The following CPA4 variants were observed in gnomAD, a reference collection of about 807,000 sequenced individuals.
The protein encoded by CPA4 is carboxypeptidase A4.
Under a neutral mutation model 54.7 loss-of-function variants are expected in CPA4, and 49 were observed. That is an observed-to-expected ratio of 0.90 (90% CI 0.71 to 1.14). The LOEUF (loss-of-function observed/expected upper bound fraction) is 1.14, where lower values mean the gene tolerates loss of function less well. CPA4 is among the 50% of genes most tolerant of loss of function. The pLI is 0.00. For synonymous variants in CPA4, 215 were observed against 206.8 expected (o/e 1.04, Z -0.34); for missense variants, 487 against 525.1 (o/e 0.93, Z 0.71).
intron 10 of CPA4, among the ~76,000 whole-genome samples, chr7:130,313,582 GT>G (rs745358400): frequency 1.3e-5 from 2 of 152,086 alleles, no homozygotes; most frequent in African/African-American, 4.8e-5. Flanking sequence ...TGTTGAAAGA[GT>G]TTTTTTAAAG....
chr7:130,311,814 T>G (rs1793919030), intron 9 of CPA4, among the ~76,000 whole-genome samples: 1 of 151,832 alleles, frequency 6.6e-6, no homozygotes, highest in South Asian at 2.1e-4. Context: ...TCCCCCAAAC[T>G]GGGAGTCAAG....
rs148867006 is a variant in CPA4 at position 130,322,669 on chromosome 7, T to C, written c.1259T>C (p.Leu420Pro). ...KTIMEHVRDNLY is the reference protein window; with the variant it reads ...KTIMEHVRDNPY ...ATCATGGAGCATGTGCGGGACAACC[T>C]CTACTAGGCGATGGCTCTGCTCTGT... Residue 420 changes from leucine to proline, a missense_variant, in exon 11 of 11, where the codon CTC becomes CCC. Transcript: ENST00000222482. 20 of 1,613,304 alleles carry C rather than the reference T, an allele frequency of 1.2e-5. No individual in the cohort carries two copies. In the African/African-American group the frequency reaches 2.7e-4, roughly 22 times the overall value.
intron 10 of CPA4, among the ~76,000 whole-genome samples, chr7:130,314,081 G>A (rs1411920704): frequency 6.6e-6 from 1 of 152,210 alleles, no homozygotes; most frequent in Non-Finnish European, 1.5e-5. Context: ...CAGAGGCATT[G>A]GTTGAGGGAG....
chr7:130,305,744 G>T, intron 5 of CPA4, 72 bp from the exon 6 acceptor site: 1 of 1,046,002 alleles, frequency 9.6e-7, no homozygotes, highest in Non-Finnish European at 1.5e-6. Context: ...GAATGGGAGA[G>T]AGCTGGAGAG....
At chr7:130,305,451 C>T (rs376460578) in intron 5 of CPA4, among the ~76,000 whole-genome samples, 6 of 152,268 alleles carry the variant, frequency 3.9e-5, no homozygotes, top group Admixed American at 2.0e-4. Context: ...TCATGTCGAC[C>T]GAAACAGCCT....
chr7:130,308,850 C>CTTTTTTTT (rs1249548992), intron 8 of CPA4, among the ~76,000 whole-genome samples: 16 of 120,284 alleles, frequency 1.3e-4, no homozygotes, highest in African/African-American at 5.7e-4. Context: ...CTAGCCCAGC[C>CTTTTTTTT]TTTTTTTTTT....
At chr7:130,304,285 A>C (rs1793783620) in intron 4 of CPA4, among the ~76,000 whole-genome samples, 193 bp from the exon 5 acceptor site, 1 of 152,204 alleles carries the variant, frequency 6.6e-6, no homozygotes, top group Non-Finnish European at 1.5e-5. Context: ...CAAGTGTGCT[A>C]CTCTCCAGAA....
intron 1 of CPA4, among the ~76,000 whole-genome samples, chr7:130,295,699 G>A (rs991197811): frequency 6.6e-6 from 1 of 152,166 alleles, no homozygotes; most frequent in African/African-American, 2.4e-5. Context: ...TAATGCTACC[G>A]CTGGGTGCAG....
intron 1 of CPA4, 141 bp from the exon 2 acceptor site, chr7:130,298,605 G>T (rs1793689699): frequency 3.5e-6 from 2 of 564,000 alleles, no homozygotes; most frequent in African/African-American, 1.9e-5. Context: ...ATTTTTAATG[G>T]CCATACATTA....
intron 4 of CPA4, among the ~76,000 whole-genome samples, chr7:130,303,338 A>C (rs547420561): frequency 2.0e-5 from 3 of 152,370 alleles, no homozygotes; most frequent in Non-Finnish European, 2.9e-5. Context: ...CCTTTAGAGA[A>C]ATTATCTCCA....
intron 1 of CPA4, among the ~76,000 whole-genome samples, chr7:130,293,901 GCA>G (rs971696713): frequency 1.8e-4 from 28 of 152,090 alleles, no homozygotes; most frequent in South Asian, 4.2e-4. Context: ...GTGTGTGTGT[GCA>G]CACACACACG....
chr7:130,319,407 C>T (rs1433624555), intron 10 of CPA4, among the ~76,000 whole-genome samples: 9 of 152,168 alleles, frequency 5.9e-5, no homozygotes, highest in Non-Finnish European at 1.3e-4. Context: ...GTGTTCATGA[C>T]AGCATTATCT....
chr7:130,303,877 A>G (rs1032383863), intron 4 of CPA4, among the ~76,000 whole-genome samples: 3 of 151,876 alleles, frequency 2.0e-5, no homozygotes, highest in African/African-American at 7.3e-5. Context: ...CCTGGGCTCA[A>G]GTGATTCTCC....
intron 1 of CPA4, among the ~76,000 whole-genome samples, chr7:130,297,712 C>A (rs1357422025): frequency 2.0e-5 from 3 of 152,208 alleles, no homozygotes; most frequent in Admixed American, 6.5e-5. Flanking sequence ...CAGCCATTCA[C>A]TCTCAACAGG....
intron 10 of CPA4, among the ~76,000 whole-genome samples, chr7:130,312,457 C>T (rs1793930009): frequency 6.6e-6 from 1 of 152,042 alleles, no homozygotes; most frequent in Non-Finnish European, 1.5e-5. Flanking sequence ...ATAGCAAGAC[C>T]CCATCTGATA....
intron 5 of CPA4, 30 bp downstream of exon 5, chr7:130,304,609 C>T: frequency 3.0e-6 from 4 of 1,353,628 alleles, no homozygotes; most frequent in Middle Eastern, 3.6e-4. Flanking sequence ...GAAGGGTCTC[C>T]TGGGTCCTCA....
At chr7:130,297,991 T>C (rs565201304) in intron 1 of CPA4, among the ~76,000 whole-genome samples, 5 of 152,342 alleles carry the variant, frequency 3.3e-5, no homozygotes, top group African/African-American at 9.6e-5. Flanking sequence ...CAAAGGGGAC[T>C]GAGACTGGCC....
Position 130,305,872 on chromosome 7 carries a change from T to C in CPA4, c.543T>C (p.His181=), listed in dbSNP as rs1466675879. The C allele has an allele frequency of 6.2e-7, 1 of 1,613,826 alleles. No individual in the cohort carries two copies. The highest frequency in any genetic ancestry group is 1.3e-5 in the African/African-American group (1 of 74,928). The change falls in exon 6 of 11, where the codon CAT becomes CAC. Residue 181 remains histidine (H), a synonymous_variant. Coordinates refer to ENST00000222482, the MANE Select transcript of CPA4 (RefSeq NM_016352.4). ...CCGTTTGGCTGAATGCAGGCATCCATTCCCGAGAGTGGATCTCCCAGGCCA... is the reference window on the plus strand; with the variant it reads ...CCGTTTGGCTGAATGCAGGCATCCACTCCCGAGAGTGGATCTCCCAGGCCA... ...RPAVWLNAGI[H]SREWISQATA...
At position 130,293,240 on chromosome 7, in the gene CPA4, A is replaced by T; in HGVS notation, c.60A>T (p.Lys20Asn). ...GGTCCAGCATCTGTGGCCAAGAAAA[A>T]TTTTTTGGGTAAGTTCCTTTTGGAC... ...LIGSSICGQEKFFGDQVLRIN... is the reference protein window; with the variant it reads ...LIGSSICGQENFFGDQVLRIN... The change falls in exon 1 of 11, where the codon AAA becomes AAT. Residue 20 changes from lysine (K) to asparagine (N), a missense_variant. Physicochemically the swap from Lys to Asn is moderately conservative, Grantham distance 94. Transcript: ENST00000222482. 2 of 1,602,450 alleles carry T rather than the reference A, an allele frequency of 1.2e-6. No individual in the cohort carries two copies. The highest frequency in any genetic ancestry group is 1.7e-6 in the Non-Finnish European group (2 of 1,169,798).
Sources: allele counts gnomAD v4.1 joint callset (sites outside exome capture counted in the v4.1 genomes callset), GRCh38; gene constraint gnomAD v4.1.1; transcripts MANE v1.5; gene names NCBI Gene and HGNC (gene_info 2026-07-23, HGNC 2026-07-21).